The following HTR2C variants were observed in gnomAD, a reference collection of about 807,000 sequenced individuals.
The protein encoded by HTR2C is 5-hydroxytryptamine (serotonin) receptor 2C, G protein-coupled.
A neutral mutation model predicts 21.0 loss-of-function variants in HTR2C; 5 were observed. The observed-to-expected ratio is 0.24, with a 90% CI of 0.12 to 0.50. The LOEUF (loss-of-function observed/expected upper bound fraction) is 0.50. HTR2C is among the 20% of genes least tolerant of loss of function. The pLI, the probability that HTR2C is intolerant of heterozygous loss-of-function variation, is 0.98. For missense variants in HTR2C, 271 were observed against 371.2 expected (o/e 0.73, Z 2.22); for synonymous variants, 150 against 145.3 (o/e 1.03, Z -0.23).
chrX:114,829,827 A>G (rs1336673980), intron 4 of HTR2C, among the ~76,000 whole-genome samples: 7 of 111,623 alleles, frequency 6.3e-5, no homozygotes, highest in Non-Finnish European at 1.3e-4. Flanking sequence ...ATCCTATTCT[A>G]TTAATCTATG....
intron 3 of HTR2C, among the ~76,000 whole-genome samples, chrX:114,728,512 G>T (rs1178079127): frequency 9.0e-6 from 1 of 111,031 alleles, no homozygotes; most frequent in African/African-American, 3.3e-5. Flanking sequence ...TATAAGTAGT[G>T]CTCAATAAAA....
chrX:114,806,961 A>T (rs1556450318), intron 4 of HTR2C, among the ~76,000 whole-genome samples: 1 of 101,427 alleles, frequency 9.9e-6, no homozygotes, highest in Non-Finnish European at 2.0e-5. Flanking sequence ...TACCATATGT[A>T]TATACCATAT....
intron 4 of HTR2C, among the ~76,000 whole-genome samples, chrX:114,769,073 T>C (rs73569267): frequency 0.019 from 2,094 of 110,814 alleles, 54 homozygotes; most frequent in African/African-American, 0.065. Context: ...ACAAAGGTGA[T>C]AGTTAATAGG....
intron 4 of HTR2C, among the ~76,000 whole-genome samples, chrX:114,847,506 G>A (rs1490668835): frequency 1.9e-5 from 2 of 103,995 alleles, no homozygotes; most frequent in East Asian, 6.4e-4. Flanking sequence ...GTTAATGGGT[G>A]CAGCACACCA....
chrX:114,641,270 CAT>C (rs1463422988), intron 2 of HTR2C, among the ~76,000 whole-genome samples: 2 of 110,727 alleles, frequency 1.8e-5, no homozygotes, highest in Non-Finnish European at 3.8e-5. Context: ...ATTCTGTTGA[CAT>C]ATAAAATTCA....
rs1380852979 is a variant in HTR2C, at chrX:114,592,390, A to C, written c.-147+7731A>C. On this transcript the variant is annotated intron_variant, in intron 1 of 5. Coordinates refer to ENST00000276198, the MANE Select transcript of HTR2C (RefSeq NM_000868.4). ...ACTTTGGGTAAGTGCCATTTTCAGA[A>C]AGGCAGCCAAATTTGTACAAACATA... Among the ~76,000 whole-genome samples the C allele has an allele frequency of 4.5e-5, 5 of 112,072 alleles. No homozygotes were observed. The Admixed American group carries it at 4.7e-4, about 11-fold the overall frequency.
intron 4 of HTR2C, among the ~76,000 whole-genome samples, chrX:114,767,308 G>A (rs1213421770): frequency 9.0e-6 from 1 of 110,920 alleles, no homozygotes; most frequent in African/African-American, 3.3e-5. Flanking sequence ...CTTCTGCAGA[G>A]CAAGAGGTTT....
intron 2 of HTR2C, among the ~76,000 whole-genome samples, chrX:114,645,691 A>G (rs1193713744): frequency 1.8e-5 from 2 of 111,824 alleles, no homozygotes; most frequent in African/African-American, 6.5e-5. Context: ...AGAATGCAAA[A>G]GGCAAGTTGA....
intron 1 of HTR2C, among the ~76,000 whole-genome samples, chrX:114,611,888 T>G (rs1008788876): frequency 9.1e-6 from 1 of 109,570 alleles, no homozygotes; most frequent in South Asian, 4.0e-4. Flanking sequence ...TAGTAGAGAC[T>G]GGGTTTCACC....
intron 4 of HTR2C, among the ~76,000 whole-genome samples, chrX:114,840,418 G>A (rs2070823626): frequency 9.0e-6 from 1 of 110,880 alleles, no homozygotes; most frequent in South Asian, 3.8e-4. Context: ...TAATGGAGAT[G>A]ACAGACAAGA....
intron 5 of HTR2C, among the ~76,000 whole-genome samples, chrX:114,863,845 G>T (rs1556473718): frequency 9.0e-6 from 1 of 111,309 alleles, no homozygotes; most frequent in Non-Finnish European, 1.9e-5. Flanking sequence ...ATTTACAATG[G>T]TTATGTCCTC....
intron 5 of HTR2C, among the ~76,000 whole-genome samples, chrX:114,849,264 G>A (rs2070897285): frequency 8.9e-6 from 1 of 111,998 alleles, no homozygotes; most frequent in Non-Finnish European, 1.9e-5. Flanking sequence ...AAAGATGCCA[G>A]CTTTTATGGT....
intron 2 of HTR2C, among the ~76,000 whole-genome samples, chrX:114,719,170 T>A (rs1237959661): frequency 3.7e-5 from 4 of 109,019 alleles, no homozygotes; most frequent in Admixed American, 1.0e-4. Context: ...CAAGTGATTT[T>A]AAAAAAATTT....
chrX:114,880,823 G>T (rs1240941849), intron 5 of HTR2C, among the ~76,000 whole-genome samples: 2 of 111,043 alleles, frequency 1.8e-5, no homozygotes, highest in African/African-American at 6.5e-5. Context: ...TTTTCATTCT[G>T]CTGATTGACC....
At chrX:114,725,507 C>G (rs1602721764) in intron 2 of HTR2C, among the ~76,000 whole-genome samples, 1 of 112,290 alleles carries the variant, frequency 8.9e-6, no homozygotes, top group Middle Eastern at 4.6e-3. Context: ...GAGCCTTCTT[C>G]TCTCAGCTCG....
chrX:114,719,052 T>G (rs1306251068), intron 2 of HTR2C, among the ~76,000 whole-genome samples: 20 of 103,563 alleles, frequency 1.9e-4, no homozygotes, highest in Non-Finnish European at 3.7e-4. Flanking sequence ...ATTAATAATA[T>G]AATTATAATT....
intron 4 of HTR2C, among the ~76,000 whole-genome samples, chrX:114,842,413 C>T (rs1436949957): frequency 8.9e-6 from 1 of 111,975 alleles, no homozygotes; most frequent in African/African-American, 3.3e-5. Flanking sequence ...TGGAGTTTGC[C>T]AAAAGTATTA....
chrX:114,619,116 A>C (rs1929056970), intron 2 of HTR2C, among the ~76,000 whole-genome samples: 1 of 111,414 alleles, frequency 9.0e-6, no homozygotes, highest in East Asian at 2.8e-4. Context: ...GTTTCTTAGC[A>C]TCACGGGGAA....
intron 5 of HTR2C, among the ~76,000 whole-genome samples, chrX:114,852,833 GTT>G (rs781853379): frequency 3.7e-4 from 40 of 109,246 alleles, no homozygotes; most frequent in East Asian, 1.7e-3. Flanking sequence ...TGTCTTGTGT[GTT>G]TGTGTGCGCG....
Sources: gnomAD v4.1 joint callset for allele counts (sites outside exome capture counted in the v4.1 genomes callset) on GRCh38, gnomAD v4.1.1 for gene constraint, MANE v1.5 for transcripts, NCBI Gene and HGNC (gene_info 2026-07-23, HGNC 2026-07-21) for gene names.